ZCWPW2: variants seen among roughly 807,000 people sequenced by gnomAD.
The protein encoded by ZCWPW2 is zinc finger CW-type and PWWP domain containing 2, also known as zinc finger CW-type PWWP domain protein 2.
ZCWPW2 carries 45 observed loss-of-function variants against 46.6 expected under a neutral mutation model. The ratio of observed to expected loss-of-function variants is 0.96; its 90% CI spans 0.76 to 1.24. The LOEUF is 1.24. Among genes scored for constraint, ZCWPW2 ranks in the 50% most tolerant of loss-of-function variants. ZCWPW2 has a pLI of 0.00. For synonymous variants in ZCWPW2, 152 were observed against 137.1 expected (o/e 1.11, Z -0.76); for missense variants, 429 against 403.9 (o/e 1.06, Z -0.53).
At chr3:28,493,195 T>C (rs1229911709) in intron 6 of ZCWPW2, among the ~76,000 whole-genome samples, 33 of 140,490 alleles carry the variant, frequency 2.3e-4, no homozygotes, top group Non-Finnish European at 4.5e-4. Context: ...CATGTGCACA[T>C]TGTGCAGGTT....
At chr3:28,495,621 TTGTC>T (rs958476201) in intron 6 of ZCWPW2, among the ~76,000 whole-genome samples, 4 of 152,080 alleles carry the variant, frequency 2.6e-5, no homozygotes, top group Non-Finnish European at 5.9e-5. Context: ...GAATTTTTTT[TTGTC>T]TGTTGAATCT....
chr3:28,470,510 A>AG (rs533380409), intron 4 of ZCWPW2, among the ~76,000 whole-genome samples: 30,518 of 142,382 alleles, frequency 0.21, 3,816 homozygotes, highest in Middle Eastern at 0.28. Flanking sequence ...AAAAAAAAAA[A>AG]AAGGAAGGAA....
chr3:28,470,228 C>T (rs1248083988), intron 4 of ZCWPW2, among the ~76,000 whole-genome samples: 6 of 152,292 alleles, frequency 3.9e-5, no homozygotes, highest in Middle Eastern at 3.4e-3. Context: ...GGTGCAGTGG[C>T]TCGCGCCTGT....
At chr3:28,467,744 G>A (rs1220411552) in intron 4 of ZCWPW2, among the ~76,000 whole-genome samples, 1 of 152,208 alleles carries the variant, frequency 6.6e-6, no homozygotes, top group Non-Finnish European at 1.5e-5. Context: ...CTATGAGTCT[G>A]CAAGAGCCAT....
Position 28,437,106 on chromosome 3 carries a change from G to A in ZCWPW2, c.492+1837G>A, listed in dbSNP as rs559283414. 2.5e-3 allele frequency among the ~76,000 whole-genome samples: 385 copies of A among 152,188 alleles called. 1 individual carries two copies. The highest frequency in any genetic ancestry group is 8.4e-3 in the African/African-American group (349 of 41,512). Reference sequence around the variant, plus strand: ...TACATGCTCCCAACTTCAGAAAAAAGGACAAAACCACTTACACAAAAAATA... The same window carrying A: ...TACATGCTCCCAACTTCAGAAAAAAAGACAAAACCACTTACACAAAAAATA... On this transcript the variant is annotated intron_variant, in intron 4 of 9. Coordinates refer to ENST00000383768, the MANE Select transcript of ZCWPW2 (RefSeq NM_001040432.4).
At chr3:28,359,833 G>T (rs535948359) in intron 1 of ZCWPW2, among the ~76,000 whole-genome samples, 1 of 151,942 alleles carries the variant, frequency 6.6e-6, no homozygotes, top group Non-Finnish European at 1.5e-5. Flanking sequence ...GATTATGATC[G>T]TCCCATCTTC....
rs539516823 is a variant in ZCWPW2 at position 28,514,899 on chromosome 3, A to G, written c.717-655A>G. Among the ~76,000 whole-genome samples, 18 of 152,308 alleles carry G rather than the reference A, an allele frequency of 1.2e-4. No individual in the cohort carries two copies. The South Asian group carries it at 2.3e-3, about 19-fold the overall frequency. On this transcript the variant is annotated intron_variant, in intron 7 of 9. Coordinates refer to ENST00000383768, the MANE Select transcript of ZCWPW2 (RefSeq NM_001040432.4). ...TACTCAAAAACAAGGACTGACACCA[A>G]TAGGTAGCCCTTCTTTGTACTTTTT...
At position 28,422,934 on chromosome 3, in the gene ZCWPW2, G is replaced by C. The variant is rs192000691; in HGVS notation, c.332+9534G>C. ...TAGTGGTATTTCATTGTTTTAGTTT[G>C]TATTTTCCTAAGGACATATGCTTTT... On this transcript the variant is annotated intron_variant, in intron 3 of 9. Transcript: ENST00000383768. 7.9e-5 allele frequency among the ~76,000 whole-genome samples: 12 copies of C among 152,144 alleles called. No individual in the cohort carries two copies. The East Asian group carries it at 2.3e-3, about 29-fold the overall frequency.
At chr3:28,479,218 G>A (rs1232694300) in intron 5 of ZCWPW2, among the ~76,000 whole-genome samples, 1 of 152,114 alleles carries the variant, frequency 6.6e-6, no homozygotes, top group East Asian at 1.9e-4. Context: ...AGATGCCCTT[G>A]TGTATTTCAA....
In ZCWPW2 at chr3:28,483,243, C is replaced by T. The variant is rs143032304; in HGVS notation, c.610+4312C>T. Among the ~76,000 whole-genome samples the T allele has an allele frequency of 4.4e-3, 672 of 152,280 alleles. 11 individuals are homozygous for T. Among genetic ancestry groups the T allele is most frequent in the African/African-American group, 0.015 (636 of 41,572 alleles). ...GTTCCTGCACCACTGGTTGAAAAGA[C>T]TGTCTACTCCATTGTATCACCTTTG... On this transcript the variant is annotated intron_variant, in intron 5 of 9. Transcript: ENST00000383768.
At chr3:28,454,529 G>C (rs1338658913) in intron 4 of ZCWPW2, among the ~76,000 whole-genome samples, 2 of 152,100 alleles carry the variant, frequency 1.3e-5, no homozygotes, top group African/African-American at 2.4e-5. Context: ...GTGCACGTTT[G>C]TTACATAGGT....
chr3:28,376,012 A>G (rs923178462), intron 1 of ZCWPW2, among the ~76,000 whole-genome samples: 1 of 152,020 alleles, frequency 6.6e-6, no homozygotes, highest in Non-Finnish European at 1.5e-5. Context: ...CATTGTGAAT[A>G]TGTACCACAT....
At chr3:28,494,523 T>C (rs1200788674) in intron 6 of ZCWPW2, among the ~76,000 whole-genome samples, 6 of 151,756 alleles carry the variant, frequency 4.0e-5, no homozygotes, top group Non-Finnish European at 5.9e-5. Flanking sequence ...TCTGTTTTGG[T>C]ACCAGTACCT....
chr3:28,355,915 A>G (rs1156663657), intron 1 of ZCWPW2, among the ~76,000 whole-genome samples: 3 of 152,234 alleles, frequency 2.0e-5, no homozygotes, highest in African/African-American at 7.2e-5. Flanking sequence ...AACCTAGGCA[A>G]TACCATTCAG....
chr3:28,493,095 C>CTTTTTTTTTTTTTTTTTTTTTTTTTT (rs11426111), intron 6 of ZCWPW2, among the ~76,000 whole-genome samples: 1 of 77,070 alleles, frequency 1.3e-5, no homozygotes, highest in Non-Finnish European at 2.6e-5. Flanking sequence ...CTTGGCTTTT[C>CTTTTTTTTTTTTTTTTTTTTTTTTTT]TTTTTTTTTT....
chr3:28,382,123 G>GTT (rs1441296005), intron 1 of ZCWPW2, among the ~76,000 whole-genome samples: 2 of 144,590 alleles, frequency 1.4e-5, no homozygotes, highest in African/African-American at 5.2e-5. Context: ...GATTGCACTA[G>GTT]TGCATTCCAG....
intron 6 of ZCWPW2, 110 bp from the exon 7 acceptor site, chr3:28,513,954 G>T: frequency 2.9e-6 from 2 of 698,072 alleles, no homozygotes; most frequent in Non-Finnish European, 4.1e-6. Context: ...AGGGTTATCA[G>T]CCGGGGTGTT....
At chr3:28,358,149 A>G (rs535679745) in intron 1 of ZCWPW2, among the ~76,000 whole-genome samples, 2 of 152,154 alleles carry the variant, frequency 1.3e-5, no homozygotes, top group Admixed American at 6.6e-5. Flanking sequence ...AACTATTGCA[A>G]TAGTTTTCGT....
chr3:28,498,761 T>G (rs1321493966), intron 6 of ZCWPW2, among the ~76,000 whole-genome samples: 1 of 151,968 alleles, frequency 6.6e-6, no homozygotes, highest in African/African-American at 2.4e-5. Flanking sequence ...CAACCCGTCA[T>G]CTACATTAGG....
Sources: gnomAD v4.1 joint callset for allele counts (sites outside exome capture counted in the v4.1 genomes callset) on GRCh38, gnomAD v4.1.1 for gene constraint, MANE v1.5 for transcripts, NCBI Gene and HGNC (gene_info 2026-07-23, HGNC 2026-07-21) for gene names.